Variants in SYT1 observed in about 807,000 individuals in gnomAD.
SYT1 encodes synaptotagmin 1, also known as synaptotagmin-1.
A neutral mutation model predicts 44.8 loss-of-function variants in SYT1; 8 were observed. The observed-to-expected ratio is 0.18, with a 90% CI of 0.10 to 0.32. SYT1 has a LOEUF of 0.32. Ranked by LOEUF, SYT1 falls within the 10% of genes least tolerant of loss-of-function variation. The pLI is 1.00. For synonymous variants in SYT1, 154 were observed against 188.8 expected (o/e 0.82, Z 1.51); for missense variants, 286 against 509.3 (o/e 0.56, Z 4.22).
At chr12:79,203,151 G>A (rs73343548) in intron 3 of SYT1, among the ~76,000 whole-genome samples, 7,130 of 152,168 alleles carry the variant, frequency 0.047, 324 homozygotes, top group East Asian at 0.12. Flanking sequence ...GTTTTTGGCA[G>A]ATGTAATACA....
chr12:79,148,849 G>C (rs1215069585), intron 3 of SYT1, among the ~76,000 whole-genome samples: 2 of 152,096 alleles, frequency 1.3e-5, no homozygotes, highest in Non-Finnish European at 2.9e-5. Context: ...TTACCGATTG[G>C]CTTTCCTTAT....
At chr12:79,343,140 A>G (rs1882453976) in intron 8 of SYT1, among the ~76,000 whole-genome samples, 2 of 152,208 alleles carry the variant, frequency 1.3e-5, no homozygotes, top group African/African-American at 4.8e-5. Context: ...GTTCATGGAA[A>G]TGAGACCTGC....
At chr12:78,897,069 G>A (rs1312395240) in intron 1 of SYT1, among the ~76,000 whole-genome samples, 3 of 151,682 alleles carry the variant, frequency 2.0e-5, no homozygotes, top group East Asian at 3.9e-4. Flanking sequence ...CAATATATTC[G>A]AGGTAAATTT....
At chr12:79,395,145 C>A (rs1308836689) in intron 9 of SYT1, among the ~76,000 whole-genome samples, 1 of 152,102 alleles carries the variant, frequency 6.6e-6, no homozygotes, top group South Asian at 2.1e-4. Flanking sequence ...CATGAATAAA[C>A]CATGGCTGCA....
At chr12:79,227,289 C>T (rs2138601835) in intron 4 of SYT1, among the ~76,000 whole-genome samples, 1 of 152,160 alleles carries the variant, frequency 6.6e-6, no homozygotes, top group East Asian at 1.9e-4. Context: ...TCTTTCAATT[C>T]ATTCTTCACA....
At chr12:79,443,164 C>G (rs77583192) in intron 9 of SYT1, among the ~76,000 whole-genome samples, 135 of 152,196 alleles carry the variant, frequency 8.9e-4, no homozygotes, top group Non-Finnish European at 1.6e-3. Context: ...TGCTCCTTTT[C>G]CCATTACTTC....
intron 9 of SYT1, among the ~76,000 whole-genome samples, chr12:79,381,095 T>C (rs1884201973): frequency 6.6e-6 from 1 of 152,244 alleles, no homozygotes; most frequent in Non-Finnish European, 1.5e-5. Flanking sequence ...TGCCTTTGGC[T>C]ACTCCACCAT....
At chr12:79,026,396 T>C (rs1872530173) in intron 2 of SYT1, among the ~76,000 whole-genome samples, 1 of 151,416 alleles carries the variant, frequency 6.6e-6, no homozygotes, top group Non-Finnish European at 1.5e-5. Context: ...TGCATTTATA[T>C]ATTGAACATT....
intron 1 of SYT1, among the ~76,000 whole-genome samples, chr12:78,865,641 TA>T (rs1169809472): frequency 2.7e-5 from 4 of 150,530 alleles, no homozygotes; most frequent in African/African-American, 9.8e-5. Flanking sequence ...TTAAACTGAA[TA>T]AGGGGAGTAG....
chr12:79,269,112 A>C (rs1368027808), intron 4 of SYT1, among the ~76,000 whole-genome samples: 1 of 147,764 alleles, frequency 6.8e-6, no homozygotes, highest in Non-Finnish European at 1.5e-5. Context: ...TTTATTGAAT[A>C]TCAATAAATT....
At chr12:79,135,778 A>G (rs1235765845) in intron 3 of SYT1, among the ~76,000 whole-genome samples, 2 of 152,208 alleles carry the variant, frequency 1.3e-5, no homozygotes, top group East Asian at 1.9e-4. Flanking sequence ...ACAGGGGTCA[A>G]TGATGGTGAA....
intron 2 of SYT1, among the ~76,000 whole-genome samples, chr12:79,030,213 T>G (rs1872748973): frequency 6.6e-6 from 1 of 151,140 alleles, no homozygotes; most frequent in South Asian, 2.1e-4. Flanking sequence ...TTTCTGAGTT[T>G]ATCACTGTTC....
chr12:79,329,693 A>G (rs1168886703), intron 8 of SYT1, among the ~76,000 whole-genome samples: 1 of 152,312 alleles, frequency 6.6e-6, no homozygotes, highest in East Asian at 1.9e-4. Context: ...AAGGTCACCT[A>G]TCTAGTAAGT....
chr12:79,301,148 G>A (rs1323628374), intron 8 of SYT1, among the ~76,000 whole-genome samples: 3 of 152,012 alleles, frequency 2.0e-5, no homozygotes, highest in South Asian at 2.1e-4. Flanking sequence ...TTTATTAACT[G>A]ATTGGTTTTA....
chr12:79,285,544 A>C (rs1879266588), intron 4 of SYT1, among the ~76,000 whole-genome samples: 1 of 152,208 alleles, frequency 6.6e-6, no homozygotes, highest in Non-Finnish European at 1.5e-5. Context: ...TTGGAGAGTC[A>C]AGAAAAGTAA....
chr12:79,291,954 T>C lies in SYT1; in HGVS notation c.352-54T>C, dbSNP rs979172605. On this transcript the variant is annotated intron_variant, in intron 5 of 10. Coordinates refer to ENST00000261205, the MANE Select transcript of SYT1 (RefSeq NM_005639.3). ...AGTGTAACTACAGGCCCAGTTCAAT[T>C]TGAGTTTTGATGAAAACTCTGAAAT... 9 of 1,607,886 alleles carry C rather than the reference T, an allele frequency of 5.6e-6. No individual in the cohort carries two copies. In the African/African-American group the frequency reaches 6.7e-5, roughly 12 times the overall value.
intron 9 of SYT1, among the ~76,000 whole-genome samples, chr12:79,417,705 T>A (rs1393605407): frequency 1.3e-5 from 2 of 152,102 alleles, no homozygotes; most frequent in Non-Finnish European, 2.9e-5. Context: ...TACCCTATGC[T>A]CCAGCAGTAA....
intron 1 of SYT1, among the ~76,000 whole-genome samples, chr12:78,941,848 T>C (rs1878394448): frequency 6.6e-6 from 1 of 152,162 alleles, no homozygotes; most frequent in Non-Finnish European, 1.5e-5. Flanking sequence ...TTACACCAGT[T>C]GGGGGTGAAA....
intron 1 of SYT1, among the ~76,000 whole-genome samples, chr12:78,909,900 T>C (rs1225133101): frequency 1.3e-5 from 2 of 152,010 alleles, no homozygotes; most frequent in South Asian, 2.1e-4. Context: ...TTAAAAAATG[T>C]ACTCTCTCTT....
Sources: allele counts gnomAD v4.1 joint callset (sites outside exome capture counted in the v4.1 genomes callset), GRCh38; gene constraint gnomAD v4.1.1; transcripts MANE v1.5; gene names NCBI Gene and HGNC (gene_info 2026-07-23, HGNC 2026-07-21).